EIPR1: variants seen among roughly 807,000 people sequenced by gnomAD.
EIPR1 encodes the protein EARP and GARP complex-interacting protein 1.
EIPR1 carries 25 observed loss-of-function variants against 48.1 expected under a neutral mutation model. The observed-to-expected ratio is 0.52, with a 90% confidence interval of 0.38 to 0.73. The LOEUF (loss-of-function observed/expected upper bound fraction) is 0.73. Ranked by LOEUF, EIPR1 falls within the 30% of genes least tolerant of loss-of-function variation. The pLI is 0.00. For missense variants in EIPR1, 415 were observed against 506.2 expected (o/e 0.82, Z 1.73); for synonymous variants, 204 against 201.9 (o/e 1.01, Z -0.09).
chr2:3,303,248 G>C (rs1200617162), intron 3 of EIPR1, among the ~76,000 whole-genome samples: 1 of 152,216 alleles, frequency 6.6e-6, no homozygotes, highest in East Asian at 1.9e-4. Context: ...AAGGGGAGGG[G>C]TGCCAGGCAG....
chr2:3,250,344 A>G (rs1666965349), intron 4 of EIPR1, among the ~76,000 whole-genome samples: 3 of 152,250 alleles, frequency 2.0e-5, no homozygotes, highest in Non-Finnish European at 4.4e-5. Context: ...TCAGACGTGC[A>G]TGGGGCCTGC....
intron 3 of EIPR1, among the ~76,000 whole-genome samples, chr2:3,309,845 GGA>G (rs1224750663): frequency 2.0e-5 from 3 of 152,196 alleles, no homozygotes; most frequent in Non-Finnish European, 4.4e-5. Context: ...TAATCATGTG[GGA>G]GAGAGGCAGC....
intron 3 of EIPR1, among the ~76,000 whole-genome samples, chr2:3,262,693 C>T (rs1169658322): frequency 3.3e-5 from 5 of 152,210 alleles, no homozygotes; most frequent in African/African-American, 4.8e-5. Flanking sequence ...GGAGTCACCA[C>T]GTGGTCCCGG....
At chr2:3,269,006 G>C (rs1667583434) in intron 3 of EIPR1, among the ~76,000 whole-genome samples, 2 of 152,212 alleles carry the variant, frequency 1.3e-5, no homozygotes, top group Admixed American at 6.5e-5. Context: ...AGAATCACAG[G>C]CCAGCTGCTG....
intron 4 of EIPR1, among the ~76,000 whole-genome samples, chr2:3,253,400 C>T (rs1261451993): frequency 6.6e-6 from 1 of 152,198 alleles, no homozygotes; most frequent in Admixed American, 6.5e-5. Flanking sequence ...GGGCCGTGGT[C>T]ACTCATATTC....
chr2:3,333,939 G>A (rs56168359), intron 3 of EIPR1, among the ~76,000 whole-genome samples: 5 of 152,066 alleles, frequency 3.3e-5, no homozygotes, highest in Non-Finnish European at 7.4e-5. Context: ...GCTGCCCCAC[G>A]CAGGGTGTGC....
At chr2:3,377,611 A>G (rs1308474386) in intron 1 of EIPR1, 37 bp downstream of exon 1, 2 of 1,558,660 alleles carry the variant, frequency 1.3e-6, no homozygotes, top group East Asian at 2.4e-5. Context: ...ATCAACAGCC[A>G]GGCCGAGCAG....
chr2:3,377,487 C>T, intron 1 of EIPR1, 161 bp downstream of exon 1: 4 of 890,066 alleles, frequency 4.5e-6, no homozygotes, highest in East Asian at 2.9e-5. Flanking sequence ...ACCGTTTAAC[C>T]TCCTAAAGCC....
At chr2:3,239,550 G>A (rs1666526444) in intron 4 of EIPR1, among the ~76,000 whole-genome samples, 1 of 152,202 alleles carries the variant, frequency 6.6e-6, no homozygotes, top group Non-Finnish European at 1.5e-5. Flanking sequence ...TGGACATCCC[G>A]GGTGCCTGTT....
At chr2:3,363,613 G>T (rs772812402) in intron 1 of EIPR1, among the ~76,000 whole-genome samples, 7 of 152,096 alleles carry the variant, frequency 4.6e-5, no homozygotes, top group Non-Finnish European at 8.8e-5. Flanking sequence ...GGAGGCTTGA[G>T]TGCCAAGGCT....
intron 1 of EIPR1, among the ~76,000 whole-genome samples, chr2:3,358,921 C>T (rs1310073900): frequency 6.6e-6 from 1 of 152,152 alleles, no homozygotes; most frequent in African/African-American, 2.4e-5. Context: ...AGGAGAGGAC[C>T]CACCTCAAAG....
At chr2:3,302,348 C>T (rs1668787102) in intron 3 of EIPR1, among the ~76,000 whole-genome samples, 1 of 152,060 alleles carries the variant, frequency 6.6e-6, no homozygotes, top group South Asian at 2.1e-4. Flanking sequence ...TAAATGTTAA[C>T]AATTAATTAA....
chr2:3,243,333 A>G (rs1177820336), intron 4 of EIPR1, among the ~76,000 whole-genome samples: 1 of 152,226 alleles, frequency 6.6e-6, no homozygotes, highest in Non-Finnish European at 1.5e-5. Flanking sequence ...TCTAACACTA[A>G]GAATTCACAA....
intron 5 of EIPR1, among the ~76,000 whole-genome samples, chr2:3,198,702 A>G (rs1664895909): frequency 1.3e-5 from 2 of 152,126 alleles, no homozygotes; most frequent in African/African-American, 4.8e-5. Context: ...GAGCCGTAAA[A>G]CCAGCAAGTT....
Position 3,194,063 on chromosome 2 carries a change from C to A in EIPR1, c.757G>T (p.Val253Leu). The A allele has an allele frequency of 6.2e-7, 1 of 1,613,912 alleles. No individual in the cohort carries two copies. The highest frequency in any genetic ancestry group is 8.5e-7 in the Non-Finnish European group (1 of 1,180,008). Residue 253 changes from valine (V) to leucine (L), a missense_variant, in exon 7 of 9, where the codon GTG becomes TTG. Physicochemically the swap from Val to Leu is conservative, Grantham distance 32. Coordinates refer to ENST00000382125, the MANE Select transcript of EIPR1 (RefSeq NM_003310.5). ...ACATTTCGGGTGTCCCAGAACTTCACCTTACAGTCGTCTCCGCAGCTGGCC... is the reference window on the plus strand; with the variant it reads ...ACATTTCGGGTGTCCCAGAACTTCAACTTACAGTCGTCTCCGCAGCTGGCC... ...YLASCGDDCK[V>L]KFWDTRNVTE...
chr2:3,285,876 A>T (rs1668168936), intron 3 of EIPR1, among the ~76,000 whole-genome samples: 1 of 128,406 alleles, frequency 7.8e-6, no homozygotes, highest in Non-Finnish European at 1.6e-5. Flanking sequence ...CACGGAGCAG[A>T]AGTCACCAAC....
intron 2 of EIPR1, among the ~76,000 whole-genome samples, chr2:3,342,919 G>A (rs1458807511): frequency 6.6e-6 from 1 of 152,178 alleles, no homozygotes; most frequent in Non-Finnish European, 1.5e-5. Flanking sequence ...GTTCAAACAG[G>A]ATGCCATCAA....
intron 3 of EIPR1, among the ~76,000 whole-genome samples, chr2:3,311,300 G>A (rs1311096053): frequency 6.6e-6 from 1 of 152,102 alleles, no homozygotes; most frequent in Non-Finnish European, 1.5e-5. Context: ...CTAGAAATAT[G>A]TGATTTTCAA....
At position 3,251,222 on chromosome 2, in the gene EIPR1, G is replaced by A. The variant is rs535177216; in HGVS notation, c.416+6077C>T. 4.7e-4 allele frequency among the ~76,000 whole-genome samples: 72 copies of A among 152,298 alleles called. 2 individuals carry two copies. Among genetic ancestry groups the A allele is most frequent in the Middle Eastern group, 3.4e-3 (1 of 294 alleles). On this transcript the variant is annotated intron_variant, in intron 4 of 8. Coordinates refer to ENST00000382125, the MANE Select transcript of EIPR1 (RefSeq NM_003310.5). ...AAGTCCTTTTCAGCGAGAAGACTGC[G>A]GCCGTGCCCTCTGTAAGTTCCTACT...
Sources: allele counts gnomAD v4.1 joint callset (sites outside exome capture counted in the v4.1 genomes callset), GRCh38; gene constraint gnomAD v4.1.1; transcripts MANE v1.5; gene names NCBI Gene and HGNC (gene_info 2026-07-23, HGNC 2026-07-21).